Variants in CDH18 observed in about 807,000 individuals in gnomAD.
CDH18 encodes cadherin-18.
CDH18 carries 31 observed loss-of-function variants against 67.9 expected under a neutral mutation model. The observed-to-expected ratio is 0.46, with a 90% CI of 0.34 to 0.62. CDH18 has a LOEUF of 0.62. Ranked by LOEUF, CDH18 falls within the 20% of genes least tolerant of loss-of-function variation. The probability of loss-of-function intolerance (pLI) is 0.01; values close to 1 mark genes in which losing one functional copy is unlikely to be tolerated. For missense variants in CDH18, 890 were observed against 975.5 expected, an observed-to-expected ratio of 0.91 and a Z score of 1.17; for synonymous variants, 362 against 347.2, an observed-to-expected ratio of 1.04 and a Z score of -0.48.
intron 2 of CDH18, among the ~76,000 whole-genome samples, chr5:20,169,115 T>C (rs1736505602): frequency 1.3e-5 from 2 of 152,218 alleles, no homozygotes; most frequent in South Asian, 4.1e-4. Flanking sequence ...ATTGTACATT[T>C]CAAAGTAACT....
chr5:19,661,508 T>C (rs188755280), intron 5 of CDH18, among the ~76,000 whole-genome samples: 47 of 152,066 alleles, frequency 3.1e-4, no homozygotes, highest in African/African-American at 1.1e-3. Context: ...TATTGCCTTT[T>C]AACAAAACTA....
chr5:19,692,870 A>G lies in CDH18; in HGVS notation c.643+28477T>C, dbSNP rs190719171. ...TAAAAATAAAACTACTATACTATCC[A>G]GTAATCTCACTACTAGGTATACATT... On this transcript the variant is annotated intron_variant, in intron 5 of 12. Transcript: ENST00000382275. 1.1e-4 allele frequency among the ~76,000 whole-genome samples: 17 copies of G among 152,110 alleles called. No homozygotes were observed. In the East Asian group the frequency reaches 3.1e-3, roughly 28 times the overall value.
intron 1 of CDH18, among the ~76,000 whole-genome samples, chr5:20,498,044 G>T (rs949590898): frequency 6.6e-6 from 1 of 152,102 alleles, no homozygotes; most frequent in African/African-American, 2.4e-5. Flanking sequence ...CCTCACTAGA[G>T]ATCAAATCTG....
At chr5:20,470,779 A>G (rs1210990744) in intron 1 of CDH18, among the ~76,000 whole-genome samples, 1 of 152,218 alleles carries the variant, frequency 6.6e-6, no homozygotes, top group Non-Finnish European at 1.5e-5. Flanking sequence ...ATGATGAGCT[A>G]GATTACAACT....
intron 1 of CDH18, among the ~76,000 whole-genome samples, chr5:20,267,128 T>C (rs2126651485): frequency 6.6e-6 from 1 of 152,296 alleles, no homozygotes; most frequent in Non-Finnish European, 1.5e-5. Flanking sequence ...AATTTATATA[T>C]AGTGTGAAAT....
At chr5:20,481,006 G>A (rs1752767009) in intron 1 of CDH18, among the ~76,000 whole-genome samples, 1 of 151,972 alleles carries the variant, frequency 6.6e-6, no homozygotes, top group South Asian at 2.1e-4. Flanking sequence ...TAATAGCATT[G>A]GATGTAAATG....
intron 1 of CDH18, among the ~76,000 whole-genome samples, chr5:20,306,059 G>C (rs1233217218): frequency 1.3e-5 from 2 of 152,170 alleles, no homozygotes; most frequent in African/African-American, 4.8e-5. Flanking sequence ...GAGTAAAAGA[G>C]ACAGTGCGAT....
At chr5:19,570,945 T>C (rs887810954) in intron 8 of CDH18, among the ~76,000 whole-genome samples, 2 of 152,202 alleles carry the variant, frequency 1.3e-5, no homozygotes, top group African/African-American at 4.8e-5. Context: ...AAGATCACTC[T>C]GCTAGTAAGC....
intron 2 of CDH18, among the ~76,000 whole-genome samples, chr5:19,845,882 C>T (rs1782888099): frequency 6.6e-6 from 1 of 151,818 alleles, no homozygotes; most frequent in South Asian, 2.1e-4. Context: ...TCCTTTCTCT[C>T]TCAACTGATT....
chr5:19,698,865 G>T (rs1174545907), intron 5 of CDH18, among the ~76,000 whole-genome samples: 1 of 152,016 alleles, frequency 6.6e-6, no homozygotes, highest in Non-Finnish European at 1.5e-5. Context: ...TTCAAAGTTT[G>T]AGTAGCAACT....
intron 2 of CDH18, among the ~76,000 whole-genome samples, chr5:20,235,585 A>C (rs1169194885): frequency 6.6e-6 from 1 of 152,190 alleles, no homozygotes; most frequent in Non-Finnish European, 1.5e-5. Context: ...AGATCATCTC[A>C]CACCATTCAG....
chr5:19,583,682 T>C (rs1302608002), intron 7 of CDH18, among the ~76,000 whole-genome samples: 2 of 152,044 alleles, frequency 1.3e-5, no homozygotes, highest in East Asian at 3.9e-4. Flanking sequence ...ATTATTGAGG[T>C]AGTAGTAATT....
chr5:20,380,244 G>A (rs1743807051), intron 1 of CDH18, among the ~76,000 whole-genome samples: 1 of 152,028 alleles, frequency 6.6e-6, no homozygotes, highest in Non-Finnish European at 1.5e-5. Flanking sequence ...CTGCAAATTT[G>A]GGTTCAAATT....
At chr5:20,469,215 C>T (rs990843251) in intron 1 of CDH18, among the ~76,000 whole-genome samples, 5 of 152,124 alleles carry the variant, frequency 3.3e-5, no homozygotes, top group South Asian at 2.1e-4. Flanking sequence ...TTGCACATAG[C>T]GAACAATCCA....
rs76731797 is a variant in CDH18 at position 20,322,418 on chromosome 5, T to C, written c.-579-66913A>G. On this transcript the variant is annotated intron_variant, in intron 1 of 14. Transcript: ENST00000507958. ...TATATAATTTAATTAAAACAAGATATATGTTCTTGTCAAGCAGATATGAGG... is the reference window on the plus strand; with the variant it reads ...TATATAATTTAATTAAAACAAGATACATGTTCTTGTCAAGCAGATATGAGG... Among the ~76,000 whole-genome samples the C allele has an allele frequency of 7.4e-3, 1,119 of 152,220 alleles. 11 individuals are homozygous for C. Among genetic ancestry groups the C allele is most frequent in the African/African-American group, 0.025 (1,056 of 41,558 alleles).
chr5:20,040,799 T>C (rs1312448298), intron 2 of CDH18, among the ~76,000 whole-genome samples: 2 of 152,128 alleles, frequency 1.3e-5, no homozygotes, highest in Non-Finnish European at 2.9e-5. Context: ...TGCCCTCCTG[T>C]GAAACCACAA....
At chr5:20,118,291 A>T (rs188256260) in intron 2 of CDH18, among the ~76,000 whole-genome samples, 4 of 152,302 alleles carry the variant, frequency 2.6e-5, no homozygotes, top group South Asian at 4.1e-4. Context: ...TTTTAAAAAT[A>T]GGAAGTTCTC....
intron 1 of CDH18, among the ~76,000 whole-genome samples, chr5:19,987,730 C>A (rs1335836872): frequency 1.3e-5 from 2 of 152,166 alleles, no homozygotes; most frequent in East Asian, 3.9e-4. Flanking sequence ...TAAATGACAG[C>A]TTATACTGAT....
intron 2 of CDH18, among the ~76,000 whole-genome samples, chr5:20,253,514 C>G (rs1313272640): frequency 6.6e-6 from 1 of 152,084 alleles, no homozygotes; most frequent in East Asian, 1.9e-4. Context: ...CCAAAGAATC[C>G]AGTAAAATGA....
Sources: allele counts gnomAD v4.1 joint callset (sites outside exome capture counted in the v4.1 genomes callset), GRCh38; gene constraint gnomAD v4.1.1; transcripts MANE v1.5; gene names NCBI Gene and HGNC (gene_info 2026-07-23, HGNC 2026-07-21).